METTL16: variants seen among roughly 807,000 people sequenced by gnomAD.
METTL16 encodes the protein methyltransferase 16, RNA N6-adenosine.
A neutral mutation model predicts 57.9 loss-of-function variants in METTL16; 19 were observed. The ratio of observed to expected loss-of-function variants is 0.33; its 90% CI spans 0.23 to 0.48. METTL16 has a LOEUF of 0.48. Among genes scored for constraint, METTL16 ranks in the 20% least tolerant of loss-of-function variants. METTL16 has a pLI of 0.99. For synonymous variants in METTL16, 246 were observed against 255.6 expected (o/e 0.96, Z 0.36); for missense variants, 434 against 691.5 (o/e 0.63, Z 4.18).
intron 3 of METTL16, among the ~76,000 whole-genome samples, chr17:2,476,989 CA>C (rs2151569268): frequency 6.6e-6 from 1 of 151,238 alleles, no homozygotes; most frequent in Non-Finnish European, 1.5e-5. Context: ...ACGAACACAT[CA>C]AATAATCCAG....
Position 2,420,469 on chromosome 17 carries a change from CG to C in METTL16, c.1189del (p.Arg397GlufsTer123). On this transcript the variant is annotated frameshift_variant, in exon 10 of 10. Transcript: ENST00000263092. LOFTEE classifies it high-confidence loss of function. This position sits in a 1 kb window ranked among gnomAD's most constrained non-coding sequence, Gnocchi z 5.4. ...GGCCTGAATGACGTCCTCAGGAGCT[CG>C]GGGAACTTCTCTCAGCTGTCTCACA... ...ERVRQLREVP[R>X]APEDVIQALE... 6.2e-7 allele frequency: 1 copy of C among 1,613,990 alleles called. No homozygotes were observed. The highest frequency in any genetic ancestry group is 8.5e-7 in the Non-Finnish European group (1 of 1,179,986).
rs149695563 is a variant in METTL16, at chr17:2,466,784, T to C, written c.585+977A>G. 1.3e-3 allele frequency among the ~76,000 whole-genome samples: 202 copies of C among 152,232 alleles called. 1 individual carries two copies. In the Middle Eastern group the frequency reaches 0.014, roughly 10 times the overall value. ...TTTTGTATTATTTTTCATTGTTACA[T>C]TGTTATTTTTTTTTGTTTTCTTTTT... On this transcript the variant is annotated intron_variant, in intron 5 of 9. Coordinates refer to ENST00000263092, the MANE Select transcript of METTL16 (RefSeq NM_024086.4).
rs1567881651 is a variant in METTL16, at chr17:2,428,591, ATATATATATAT to A, written c.889-7698_889-7688del. 8.5e-3 allele frequency among the ~76,000 whole-genome samples: 409 copies of A among 47,996 alleles called. 25 individuals carry two copies. Among genetic ancestry groups the A allele is most frequent in the African/African-American group, 0.038 (392 of 10,352 alleles). The allele number at this position is 47,996 out of a possible 152,430, so 31.5% of individuals were successfully genotyped here. ...TATATATATATATATATATATATAT[ATATATATATAT>A]AAATTGTAATACAGCGGGGCACAGT... On this transcript the variant is annotated intron_variant, in intron 8 of 9. Coordinates refer to ENST00000263092, the MANE Select transcript of METTL16 (RefSeq NM_024086.4).
chr17:2,470,645 C>CA (rs201998967), intron 4 of METTL16, among the ~76,000 whole-genome samples: 1,973 of 151,814 alleles, frequency 0.013, 45 homozygotes, highest in African/African-American at 0.044. Context: ...CCCATCTCTA[C>CA]AAAAAAAACA....
At chr17:2,448,818 A>AAT (rs2067045781) in intron 6 of METTL16, among the ~76,000 whole-genome samples, 2 of 137,866 alleles carry the variant, frequency 1.5e-5, no homozygotes, top group African/African-American at 5.9e-5. Flanking sequence ...AAAAAAAAAA[A>AAT]AAAAAAAAGA....
rs2066740099 is a variant in METTL16 at position 2,418,982 on chromosome 17, A to AT, written c.*987dup. 6.6e-6 allele frequency: 1 copy of AT among 152,330 alleles called. No homozygotes were observed. Among genetic ancestry groups the AT allele is most frequent in the Non-Finnish European group, 1.5e-5 (1 of 68,166 alleles). 9.4% of individuals were successfully genotyped at this position (152,330 alleles called of 1,614,324 possible). ...GTTACTCCGGCCTCAGAACTCTCCA[A>AT]TGTGAGTAGGTAAGTACAGGGGGGA... On this transcript the variant is annotated 3_prime_UTR_variant, in exon 10 of 10. Transcript: ENST00000263092.
intron 8 of METTL16, among the ~76,000 whole-genome samples, chr17:2,429,386 C>T (rs905633669): frequency 6.6e-6 from 1 of 150,528 alleles, no homozygotes; most frequent in African/African-American, 2.4e-5. Flanking sequence ...CGGGGATTCA[C>T]TATGTTGGCC....
At chr17:2,509,911 C>CAA (rs776727388) in intron 1 of METTL16, among the ~76,000 whole-genome samples, 5 of 105,386 alleles carry the variant, frequency 4.7e-5, no homozygotes, top group African/African-American at 1.8e-4. Flanking sequence ...CACTCCGTCT[C>CAA]AAAAAAAAAA....
chr17:2,484,870 A>G (rs1207826019), intron 2 of METTL16, among the ~76,000 whole-genome samples: 1 of 152,094 alleles, frequency 6.6e-6, no homozygotes, highest in Non-Finnish European at 1.5e-5. Flanking sequence ...TTCAAACAAA[A>G]CCAGTGATCC....
rs978840908 is a variant in METTL16 at position 2,492,142 on chromosome 17, C to T, written c.128+10062G>A. On this transcript the variant is annotated intron_variant, in intron 2 of 9. Transcript: ENST00000263092. The stretch of plus-strand genomic sequence containing the variant: ...AGGAGAATGGCGTGAACCTGGGAGG[C>T]GGAGCTTGCAGTGAGCCGAGATTGC... Among the ~76,000 whole-genome samples, 8 of 151,710 alleles carry T rather than the reference C, an allele frequency of 5.3e-5. No homozygotes were observed. In the South Asian group the frequency reaches 6.3e-4, roughly 12 times the overall value.
chr17:2,485,372 G>GT (rs1429895385), intron 2 of METTL16, among the ~76,000 whole-genome samples: 6 of 152,102 alleles, frequency 3.9e-5, no homozygotes, highest in African/African-American at 1.4e-4. Flanking sequence ...ATAATACAAC[G>GT]TAATAAATGT....
chr17:2,426,030 C>CAAAAAAAA (rs71375599), intron 8 of METTL16, among the ~76,000 whole-genome samples: 2 of 93,166 alleles, frequency 2.1e-5, no homozygotes, highest in African/African-American at 3.8e-5. Flanking sequence ...ATGGCTAAGG[C>CAAAAAAAA]AAAAAAAAAA....
At chr17:2,465,495 C>T (rs973748644) in intron 5 of METTL16, among the ~76,000 whole-genome samples, 14 of 133,420 alleles carry the variant, frequency 1.0e-4, no homozygotes, top group Non-Finnish European at 1.4e-4. Context: ...TGCAGTGAAA[C>T]GAGATCACGC....
At chr17:2,441,404 A>C (rs2066950715) in intron 7 of METTL16, 86 bp downstream of exon 7, 1 of 902,018 alleles carries the variant, frequency 1.1e-6, no homozygotes, top group Admixed American at 3.4e-5. Flanking sequence ...ACCACAATGC[A>C]ATATATCAAT....
chr17:2,456,528 G>A (rs139249705), intron 6 of METTL16, among the ~76,000 whole-genome samples: 120 of 152,324 alleles, frequency 7.9e-4, no homozygotes, highest in African/African-American at 2.9e-3. Context: ...CGGTTGGAGT[G>A]CAATGGTGTG....
chr17:2,488,368 C>G lies in METTL16; in HGVS notation c.129-10483G>C, dbSNP rs143369306. On this transcript the variant is annotated intron_variant, in intron 2 of 9. Coordinates refer to ENST00000263092, the MANE Select transcript of METTL16 (RefSeq NM_024086.4). ...GGTCAGGAGTTTGAGACCAGCCTGG[C>G]CAATATGGTGAAACCCCATCTCTAC... Among the ~76,000 whole-genome samples the G allele has an allele frequency of 8.6e-3, 1,316 of 152,202 alleles. 11 individuals are homozygous for G. The highest frequency in any genetic ancestry group is 0.028 in the South Asian group (137 of 4,818).
intron 2 of METTL16, among the ~76,000 whole-genome samples, chr17:2,481,150 G>A (rs1190396773): frequency 2.0e-5 from 3 of 151,642 alleles, no homozygotes; most frequent in African/African-American, 7.3e-5. Context: ...AGAGGTTGCA[G>A]TGAGCCTAGA....
intron 6 of METTL16, among the ~76,000 whole-genome samples, chr17:2,463,114 A>G (rs1269292740): frequency 6.6e-6 from 1 of 152,188 alleles, no homozygotes; most frequent in African/African-American, 2.4e-5. Flanking sequence ...TAGTGATCTC[A>G]GTTTCCCTTC....
At chr17:2,502,417 T>C in intron 1 of METTL16, 86 bp from the exon 2 acceptor site, 9 of 1,339,890 alleles carry the variant, frequency 6.7e-6, no homozygotes, top group Non-Finnish European at 9.3e-6. Flanking sequence ...ATGCCTCTAA[T>C]CCCAGTACTT....
Sources: allele counts gnomAD v4.1 joint callset (sites outside exome capture counted in the v4.1 genomes callset), GRCh38; gene constraint gnomAD v4.1.1; non-coding constraint Gnocchi (gnomAD v3.1); transcripts MANE v1.5; gene names NCBI Gene and HGNC (gene_info 2026-07-23, HGNC 2026-07-21).